The following SYT1 variants were observed in gnomAD, a reference collection of about 807,000 sequenced individuals.
The protein encoded by SYT1 is synaptotagmin-1.
SYT1 carries 8 observed loss-of-function variants against 44.8 expected under a neutral mutation model. The observed-to-expected ratio is 0.18, with a 90% confidence interval of 0.10 to 0.32. SYT1 has a LOEUF of 0.32. SYT1 is among the 10% of genes least tolerant of loss of function. SYT1 has a pLI of 1.00. For missense variants in SYT1, 286 were observed against 509.3 expected (o/e 0.56, Z 4.22); for synonymous variants, 154 against 188.8 (o/e 0.82, Z 1.51).
intron 1 of SYT1, among the ~76,000 whole-genome samples, chr12:78,959,685 A>G (rs1225114775): frequency 6.6e-6 from 1 of 152,190 alleles, no homozygotes; most frequent in African/African-American, 2.4e-5. Context: ...AGGGCTTCTT[A>G]AGAATATGTG....
chr12:79,127,963 T>A (rs1868547449), intron 3 of SYT1, among the ~76,000 whole-genome samples: 1 of 152,088 alleles, frequency 6.6e-6, no homozygotes. Context: ...AATAAATGCA[T>A]GATGGATGAA....
intron 9 of SYT1, among the ~76,000 whole-genome samples, chr12:79,399,484 A>G (rs562960238): frequency 6.6e-6 from 1 of 152,278 alleles, no homozygotes; most frequent in East Asian, 1.9e-4. Context: ...AATTCCAATC[A>G]AACTTAAATT....
chr12:79,037,292 T>C lies in SYT1; in HGVS notation c.-83-10005T>C, dbSNP rs190055079. The stretch of plus-strand genomic sequence containing the variant: ...TTAATTAATTCCCATCCTTTTTTTT[T>C]CAAGGTACATACTAGCTCTCCTGAC... On this transcript the variant is annotated intron_variant, in intron 2 of 10. Transcript: ENST00000261205. Among the ~76,000 whole-genome samples the C allele has an allele frequency of 4.3e-3, 656 of 151,858 alleles. 3 individuals carry two copies. The highest frequency in any genetic ancestry group is 5.1e-3 in the Non-Finnish European group (345 of 67,816).
chr12:79,129,174 G>A (rs904014605), intron 3 of SYT1, among the ~76,000 whole-genome samples: 4 of 152,156 alleles, frequency 2.6e-5, no homozygotes, highest in Admixed American at 6.5e-5. Flanking sequence ...AATAATTGGT[G>A]TGGCATGACT....
At chr12:79,305,449 A>G (rs1296988438) in intron 8 of SYT1, among the ~76,000 whole-genome samples, 1 of 152,094 alleles carries the variant, frequency 6.6e-6, no homozygotes, top group Non-Finnish European at 1.5e-5. Flanking sequence ...TCCAAAGTTC[A>G]TCTTCATTAA....
chr12:79,016,939 G>T (rs1311080688), intron 2 of SYT1, among the ~76,000 whole-genome samples: 1 of 152,108 alleles, frequency 6.6e-6, no homozygotes, highest in Non-Finnish European at 1.5e-5. Context: ...GGCATTTTAA[G>T]AGGCAAAGCA....
intron 1 of SYT1, among the ~76,000 whole-genome samples, chr12:78,876,823 AT>A (rs1343669156): frequency 1.0e-3 from 93 of 90,136 alleles, no homozygotes; most frequent in African/African-American, 4.3e-3. Context: ...CATATCATAT[AT>A]TATATGTATT....
At chr12:78,876,207 T>C (rs1874060248) in intron 1 of SYT1, among the ~76,000 whole-genome samples, 1 of 151,560 alleles carries the variant, frequency 6.6e-6, no homozygotes, top group Non-Finnish European at 1.5e-5. Flanking sequence ...TAACCGGAAA[T>C]TATTTTTCCT....
intron 9 of SYT1, among the ~76,000 whole-genome samples, chr12:79,434,101 G>T (rs1186592346): frequency 3.3e-5 from 5 of 152,124 alleles, no homozygotes; most frequent in Admixed American, 3.3e-4. Context: ...AATAACAACA[G>T]TTTGCATTTA....
intron 2 of SYT1, among the ~76,000 whole-genome samples, chr12:78,996,203 A>T (rs1019655532): frequency 1.3e-5 from 2 of 152,210 alleles, no homozygotes; most frequent in East Asian, 3.8e-4. Context: ...ACCTCAGTGC[A>T]TTAAGTAAAC....
chr12:79,173,054 A>G (rs1057440702), intron 3 of SYT1, among the ~76,000 whole-genome samples: 1 of 149,616 alleles, frequency 6.7e-6, no homozygotes, highest in African/African-American at 2.5e-5. Context: ...GAAAAGGTAT[A>G]TAAAACCTCT....
chr12:78,888,778 C>T (rs1874884168), intron 1 of SYT1, among the ~76,000 whole-genome samples: 1 of 151,854 alleles, frequency 6.6e-6, no homozygotes, highest in Admixed American at 6.6e-5. Context: ...GTGCGATTTG[C>T]ATTCAAGCAA....
At chr12:78,988,984 G>C (rs1056064135) in intron 2 of SYT1, among the ~76,000 whole-genome samples, 14 of 152,062 alleles carry the variant, frequency 9.2e-5, no homozygotes, top group African/African-American at 3.4e-4. Flanking sequence ...TAATAGACTT[G>C]AGATATGTTT....
chr12:79,088,044 C>A (rs893331779), intron 3 of SYT1, among the ~76,000 whole-genome samples: 2 of 151,958 alleles, frequency 1.3e-5, no homozygotes, highest in African/African-American at 4.8e-5. Flanking sequence ...TGCCTTAATT[C>A]TTTATTTGTA....
At chr12:79,282,438 A>G (rs899590201) in intron 4 of SYT1, among the ~76,000 whole-genome samples, 2 of 152,186 alleles carry the variant, frequency 1.3e-5, no homozygotes, top group African/African-American at 2.4e-5. Flanking sequence ...ATACTAGTCA[A>G]TTATTTTCTG....
chr12:79,293,391 AAAATAAAATAAAATAAAATT>A (rs879423233), intron 6 of SYT1, among the ~76,000 whole-genome samples: 6,808 of 66,254 alleles, frequency 0.1, 567 homozygotes, highest in East Asian at 0.26. Context: ...AAAATAAAAT[AAAATAAAATAAAATAAAATT>A]AAAAAATCTG....
chr12:79,388,980 G>T (rs1884549060), intron 9 of SYT1, among the ~76,000 whole-genome samples: 2 of 152,126 alleles, frequency 1.3e-5, no homozygotes, highest in South Asian at 4.1e-4. Context: ...ATGTCATTAA[G>T]GATGAGTATC....
chr12:79,238,900 T>C (rs1876342861), intron 4 of SYT1, among the ~76,000 whole-genome samples: 2 of 152,222 alleles, frequency 1.3e-5, no homozygotes, highest in Non-Finnish European at 2.9e-5. Context: ...ATTAACAAAT[T>C]TGCGATATTT....
In SYT1 at chr12:79,446,015, A is replaced by ATATACATATATATATATATG. The variant is rs1870701983; in HGVS notation, c.1062+1813_1062+1814insCATATATATATATATGTATA. Among the ~76,000 whole-genome samples, 3 of 113,604 alleles carry ATATACATATATATATATATG rather than the reference A, an allele frequency of 2.6e-5. 1 individual carries two copies. Among genetic ancestry groups the ATATACATATATATATATATG allele is most frequent in the African/African-American group, 1.0e-4 (3 of 29,282 alleles). 74.5% of individuals were successfully genotyped at this position (113,604 alleles called of 152,430 possible). On this transcript the variant is annotated intron_variant, in intron 10 of 10. Transcript: ENST00000261205. The stretch of plus-strand genomic sequence containing the variant: ...CATATATATATATATATATATATAT[A>ATATACATATATATATATATG]TATATATATATATATATATTATGCC...
Sources: gnomAD v4.1 joint callset for allele counts (sites outside exome capture counted in the v4.1 genomes callset) on GRCh38, gnomAD v4.1.1 for gene constraint, MANE v1.5 for transcripts, NCBI Gene and HGNC (gene_info 2026-07-23, HGNC 2026-07-21) for gene names.